The following SLC22A9 variants were observed in gnomAD, a reference collection of about 807,000 sequenced individuals.
The protein encoded by SLC22A9 is organic anion transporter 7.
A neutral mutation model predicts 50.1 loss-of-function variants in SLC22A9; 64 were observed. The ratio of observed to expected loss-of-function variants is 1.28; its 90% CI spans 1.04 to 1.57. The LOEUF is 1.57. SLC22A9 is among the 40% of genes most tolerant of loss of function. The pLI is 0.00. For synonymous variants in SLC22A9, 261 were observed against 242.5 expected (o/e 1.08, Z -0.71); for missense variants, 757 against 676.1 (o/e 1.12, Z -1.33).
At chr11:63,379,900 T>G (rs1005489655) in intron 5 of SLC22A9, among the ~76,000 whole-genome samples, 1 of 152,112 alleles carries the variant, frequency 6.6e-6, no homozygotes, top group South Asian at 2.1e-4. Context: ...CCTGACTAAT[T>G]TTTGTATTTT....
intron 4 of SLC22A9, among the ~76,000 whole-genome samples, chr11:63,374,595 A>G (rs2071401116): frequency 1.3e-5 from 2 of 152,162 alleles, no homozygotes; most frequent in African/African-American, 4.8e-5. Flanking sequence ...TCATTGCCTG[A>G]GACTTCTTAG....
rs73483785 is a variant in SLC22A9, at chr11:63,382,097, C to T, written c.955-62C>T. 3,637 of 1,254,610 alleles carry T rather than the reference C, an allele frequency of 2.9e-3. 73 individuals are homozygous for T. In the African/African-American group the frequency reaches 0.049, roughly 17 times the overall value. The allele number at this position is 1,254,610 out of a possible 1,614,324, so 77.7% of individuals were successfully genotyped here. ...CTTCTCATCTGTGGGTTGACCAGTG[C>T]GCCTACAGTGCCTACTCTTTTCTGA... is the stretch of plus-strand genomic sequence containing the variant. On this transcript the variant is annotated intron_variant, in intron 5 of 9. Transcript: ENST00000279178.
rs538193039 is a variant in SLC22A9 at position 63,384,387 on chromosome 11, G to A, written c.1073+2110G>A. ...AGCTCCCACTTATAAGTGAGAACAT[G>A]CAGTGTTTGGTTTTCTGTTCCTGCA... On this transcript the variant is annotated intron_variant, in intron 6 of 9. Coordinates refer to ENST00000279178, the MANE Select transcript of SLC22A9 (RefSeq NM_080866.3). 3.3e-5 allele frequency among the ~76,000 whole-genome samples: 5 copies of A among 152,300 alleles called. No individual in the cohort carries two copies. The South Asian group carries it at 1.0e-3, about 32-fold the overall frequency.
intron 6 of SLC22A9, among the ~76,000 whole-genome samples, chr11:63,400,165 G>A (rs1018765521): frequency 1.3e-5 from 2 of 151,502 alleles, no homozygotes; most frequent in African/African-American, 2.4e-5. Flanking sequence ...CAGCAGGAAA[G>A]AAATAATAAA....
rs201085179 is a variant in SLC22A9, at chr11:63,406,760, T to G, written c.1288+49T>G. On this transcript the variant is annotated intron_variant, in intron 7 of 9. Transcript: ENST00000279178. Reference sequence around the variant, plus strand: ...GAGAGAAATGCCTTTGCCTCTTTTCTCAGGGATTGTACTTGTCACACCTAT... The same window carrying G: ...GAGAGAAATGCCTTTGCCTCTTTTCGCAGGGATTGTACTTGTCACACCTAT... 1.6e-3 allele frequency: 2,531 copies of G among 1,576,438 alleles called. 8 individuals carry two copies. Among genetic ancestry groups the G allele is most frequent in the Non-Finnish European group, 1.5e-3 (1,775 of 1,156,934 alleles).
intron 6 of SLC22A9, among the ~76,000 whole-genome samples, chr11:63,385,116 T>TTTGTTGTTGTTGTTG: frequency 7.1e-6 from 1 of 139,928 alleles, no homozygotes; most frequent in African/African-American, 2.5e-5. Context: ...GTTTTTTTTT[T>TTTGTTGTTGTTGTTG]TTTTTTTTTT....
chr11:63,389,532 T>A (rs932806540), intron 6 of SLC22A9, among the ~76,000 whole-genome samples: 1 of 152,232 alleles, frequency 6.6e-6, no homozygotes, highest in African/African-American at 2.4e-5. Context: ...TATGGCTGCA[T>A]GGTATTCCAT....
At chr11:63,400,972 T>C (rs2014942540) in intron 6 of SLC22A9, among the ~76,000 whole-genome samples, 1 of 151,974 alleles carries the variant, frequency 6.6e-6, no homozygotes, top group Non-Finnish European at 1.5e-5. Flanking sequence ...ATAAAAGCTC[T>C]CAACAAACTG....
intron 6 of SLC22A9, 126 bp downstream of exon 6, chr11:63,382,403 G>A: frequency 1.5e-6 from 1 of 652,158 alleles, no homozygotes. Context: ...GCCGTAAAGA[G>A]AATTGCTGTG....
chr11:63,377,655 G>A (rs1203420136), intron 5 of SLC22A9, among the ~76,000 whole-genome samples: 3 of 151,902 alleles, frequency 2.0e-5, no homozygotes, highest in Non-Finnish European at 1.5e-5. Context: ...ACTAGAAAAA[G>A]AAGAGCAAAC....
chr11:63,373,371 T>C (rs952602845), intron 2 of SLC22A9, among the ~76,000 whole-genome samples: 3 of 152,152 alleles, frequency 2.0e-5, no homozygotes, highest in Admixed American at 2.0e-4. Flanking sequence ...TACTTTAAAA[T>C]GTCCAATATT....
intron 6 of SLC22A9, among the ~76,000 whole-genome samples, chr11:63,397,951 G>C (rs1317976474): frequency 6.6e-6 from 1 of 152,106 alleles, no homozygotes; most frequent in African/African-American, 2.4e-5. Context: ...CAAGTAGAAG[G>C]AGTGTCTCCC....
intron 6 of SLC22A9, among the ~76,000 whole-genome samples, chr11:63,403,315 G>A (rs978445326): frequency 9.9e-5 from 15 of 151,938 alleles, no homozygotes; most frequent in Non-Finnish European, 2.2e-4. Flanking sequence ...ACAGAGAGTG[G>A]GATGATATGT....
chr11:63,376,273 C>T (rs762022390), intron 5 of SLC22A9, among the ~76,000 whole-genome samples: 11 of 152,034 alleles, frequency 7.2e-5, no homozygotes, highest in Non-Finnish European at 1.0e-4. Context: ...TACTGCAGTG[C>T]CCATATCAAT....
chr11:63,409,930 A>T lies in SLC22A9; in HGVS notation c.*68A>T. On this transcript the variant is annotated 3_prime_UTR_variant, in exon 10 of 10. Coordinates refer to ENST00000279178, the MANE Select transcript of SLC22A9 (RefSeq NM_080866.3). The stretch of plus-strand genomic sequence containing the variant: ...GGAACAATCAGGACTATTCCTAGAC[A>T]CTAGCAAAATCTAGAAAATAAATAA... 2 of 1,552,914 alleles carry T rather than the reference A, an allele frequency of 1.3e-6. No individual in the cohort carries two copies. The highest frequency in any genetic ancestry group is 1.8e-6 in the Non-Finnish European group (2 of 1,127,522).
At chr11:63,403,120 C>CT (rs2014977614) in intron 6 of SLC22A9, among the ~76,000 whole-genome samples, 1 of 152,030 alleles carries the variant, frequency 6.6e-6, no homozygotes, top group East Asian at 1.9e-4. Context: ...AGTCAGAAGA[C>CT]TAAAAACCAA....
intron 6 of SLC22A9, among the ~76,000 whole-genome samples, chr11:63,384,738 C>T (rs1229255722): frequency 1.3e-5 from 2 of 152,290 alleles, no homozygotes; most frequent in East Asian, 1.9e-4. Context: ...AGTAGTCAGA[C>T]TGATTTACCT....
chr11:63,371,150 G>C lies in SLC22A9; in HGVS notation c.418G>C (p.Asp140His). Residue 140 changes from aspartate to histidine, a missense_variant, in exon 2 of 10, where the codon GAC (aspartate) becomes CAC (histidine). Asp to His is a moderately conservative substitution (Grantham distance 81). Coordinates refer to ENST00000279178, the MANE Select transcript of SLC22A9 (RefSeq NM_080866.3). ...TCTCTTCCAGTGGGATCTGGTATGTGACTCTCAATCACTGACTTCAGTGGC... is the reference window on the plus strand; with the variant it reads ...TCTCTTCCAGTGGGATCTGGTATGTCACTCTCAATCACTGACTTCAGTGGC... ...TIVTEWDLVC[D>H]SQSLTSVAKF... is the part of the protein sequence containing the mutation. 6.2e-7 allele frequency: 1 copy of C among 1,613,088 alleles called. No individual in the cohort carries two copies. The highest frequency in any genetic ancestry group is 8.5e-7 in the Non-Finnish European group (1 of 1,179,310).
intron 4 of SLC22A9, among the ~76,000 whole-genome samples, chr11:63,375,378 T>C (rs962966403): frequency 6.6e-6 from 1 of 152,104 alleles, no homozygotes; most frequent in East Asian, 1.9e-4. Context: ...CATGCTGCAG[T>C]GTCAGGAGCT....
Sources: allele counts gnomAD v4.1 joint callset (sites outside exome capture counted in the v4.1 genomes callset), GRCh38; gene constraint gnomAD v4.1.1; transcripts MANE v1.5; gene names NCBI Gene and HGNC (gene_info 2026-07-23, HGNC 2026-07-21).